The following DLGAP2 variants were observed in gnomAD, a reference collection of about 807,000 sequenced individuals.
DLGAP2 encodes the protein disks large-associated protein 2.
In DLGAP2, 26 loss-of-function variants were observed where a neutral mutation model predicts 100.3. That is an observed-to-expected ratio of 0.26 (90% CI 0.19 to 0.36). DLGAP2 has a LOEUF of 0.36. Ranked by LOEUF, DLGAP2 falls within the 10% of genes least tolerant of loss-of-function variation. The probability of loss-of-function intolerance (pLI) is 1.00; values close to 1 mark genes in which losing one functional copy is unlikely to be tolerated. For missense variants in DLGAP2, 1,858 were observed against 1,453.2 expected, an observed-to-expected ratio of 1.28 and a Z score of -4.53; for synonymous variants, 886 against 630.1, an observed-to-expected ratio of 1.41 and a Z score of -6.08.
chr8:1,213,330 G>C (rs763364460), intron 2 of DLGAP2, among the ~76,000 whole-genome samples: 3 of 152,132 alleles, frequency 2.0e-5, no homozygotes, highest in South Asian at 2.1e-4. Flanking sequence ...TTTTGATCGA[G>C]TTTTGAAATT....
At chr8:1,673,495 A>C (rs1798739417) in intron 10 of DLGAP2, among the ~76,000 whole-genome samples, 1 of 152,216 alleles carries the variant, frequency 6.6e-6, no homozygotes, top group South Asian at 2.1e-4. Flanking sequence ...ACTTCATTTT[A>C]CTTAGAAAGA....
intron 2 of DLGAP2, chr8:1,002,322 G>T (rs909936307): frequency 2.6e-5 from 4 of 152,204 alleles, no homozygotes; most frequent in African/African-American, 9.7e-5. Flanking sequence ...TAAAGGGAAA[G>T]AGATCTTCCT....
chr8:1,424,948 G>A (rs1797198922), intron 3 of DLGAP2, among the ~76,000 whole-genome samples: 1 of 152,180 alleles, frequency 6.6e-6, no homozygotes, highest in Non-Finnish European at 1.5e-5. Context: ...GGAGATATTG[G>A]CAGTGATGGC....
At chr8:1,204,693 G>GA (rs1172544422) in intron 2 of DLGAP2, among the ~76,000 whole-genome samples, 1 of 152,262 alleles carries the variant, frequency 6.6e-6, no homozygotes, top group East Asian at 1.9e-4. Flanking sequence ...TGAGATCCTT[G>GA]ACATCTGCCT....
chr8:1,003,452 T>C (rs1801018921), intron 2 of DLGAP2: 1 of 152,222 alleles, frequency 6.6e-6, no homozygotes, highest in Non-Finnish European at 1.5e-5. Context: ...AATATATCCA[T>C]GGGTGGATGG....
chr8:1,144,938 C>A (rs563118074), intron 2 of DLGAP2, among the ~76,000 whole-genome samples: 1 of 150,666 alleles, frequency 6.6e-6, no homozygotes, highest in African/African-American at 2.4e-5. Flanking sequence ...AAACCGCAGA[C>A]GGCCTGTACC....
chr8:1,331,513 A>G (rs529575244), intron 3 of DLGAP2, among the ~76,000 whole-genome samples: 41 of 152,248 alleles, frequency 2.7e-4, no homozygotes, highest in African/African-American at 7.9e-4. Context: ...TTTTAGGGAC[A>G]CGGATCTGGG....
At position 1,036,223 on chromosome 8, in the gene DLGAP2, G is replaced by A. The variant is rs371989393; in HGVS notation, c.73+128257G>A. Among the ~76,000 whole-genome samples the A allele has an allele frequency of 2.5e-3, 384 of 151,462 alleles. 1 individual carries two copies. Among genetic ancestry groups the A allele is most frequent in the Middle Eastern group, 6.9e-3 (2 of 290 alleles). On this transcript the variant is annotated intron_variant, in intron 2 of 14. Transcript: ENST00000637795. Reference sequence around the variant, plus strand: ...GTTCACAGCCTCATCCCGACCCCGCGTGTCACCGCGAGTGGATTCACACGC... The same window carrying A: ...GTTCACAGCCTCATCCCGACCCCGCATGTCACCGCGAGTGGATTCACACGC...
At chr8:743,051 C>A (rs1308114263) in intron 1 of DLGAP2, among the ~76,000 whole-genome samples, 1 of 152,184 alleles carries the variant, frequency 6.6e-6, no homozygotes. Context: ...TTTGATTTCT[C>A]TCAAAACTGT....
chr8:1,483,612 GAACTGCT>G (rs1799161113), intron 3 of DLGAP2, among the ~76,000 whole-genome samples: 15 of 148,564 alleles, frequency 1.0e-4, no homozygotes, highest in African/African-American at 3.1e-4. Context: ...AGGGAAGGCT[GAACTGCT>G]GTGCAGGAGG....
At chr8:1,245,431 G>A (rs1262390173) in intron 2 of DLGAP2, among the ~76,000 whole-genome samples, 2 of 152,186 alleles carry the variant, frequency 1.3e-5, no homozygotes, top group Non-Finnish European at 2.9e-5. Context: ...ATGGAGCACC[G>A]ATGCATGCTG....
intron 3 of DLGAP2, among the ~76,000 whole-genome samples, chr8:1,390,203 C>A (rs1796318132): frequency 6.6e-6 from 1 of 152,136 alleles, no homozygotes; most frequent in Admixed American, 6.5e-5. Context: ...CTGGAATGAT[C>A]TCTGCCATAG....
chr8:1,464,275 T>G lies in DLGAP2; in HGVS notation c.107-37091T>G, dbSNP rs1798549947. Among the ~76,000 whole-genome samples, 2 of 112,500 alleles carry G rather than the reference T, an allele frequency of 1.8e-5. 1 individual carries two copies. The highest frequency in any genetic ancestry group is 5.1e-4 in the East Asian group (2 of 3,936). The allele number at this position is 112,500 out of a possible 152,430, so 73.8% of individuals were successfully genotyped here. ...ACGGCTCCCTTCCAGGACGGCACCC[T>G]TCCAGGACAACGCCCTTCCAGGATG... On this transcript the variant is annotated intron_variant, in intron 3 of 14. Coordinates refer to ENST00000637795, the MANE Select transcript of DLGAP2 (RefSeq NM_001346810.2).
At chr8:1,007,635 T>C (rs12675374) in intron 2 of DLGAP2, among the ~76,000 whole-genome samples, 9 of 142,482 alleles carry the variant, frequency 6.3e-5, no homozygotes, top group Admixed American at 2.1e-4. Flanking sequence ...TTTTTTTTTT[T>C]GGGGGGGGGA....
At chr8:1,685,354 G>A (rs1348896289) in intron 12 of DLGAP2, among the ~76,000 whole-genome samples, 1 of 152,188 alleles carries the variant, frequency 6.6e-6, no homozygotes, top group African/African-American at 2.4e-5. Flanking sequence ...TACTGATGAC[G>A]TTCTGAGCAC....
rs766268869 is a variant in DLGAP2, at chr8:1,548,822, C to A, written c.369C>A (p.Ser123Arg). Residue 123 changes from serine to arginine, a missense_variant, in exon 5 of 15, where the codon AGC (serine) becomes AGA (arginine). Physicochemically the swap from Ser to Arg is moderately radical, Grantham distance 110 (BLOSUM62 -1). Coordinates refer to ENST00000637795, the MANE Select transcript of DLGAP2 (RefSeq NM_001346810.2). Reference protein sequence around the residue: ...GPDARPPYLLSPADSCPGGRH... With the variant: ...GPDARPPYLLRPADSCPGGRH... ...ACGCGCGGCCGCCCTACCTGCTGAG[C>A]CCCGCCGACAGCTGCCCCGGGGGGC... The A allele has an allele frequency of 1.9e-6, 3 of 1,580,626 alleles. No homozygotes were observed. The highest frequency in any genetic ancestry group is 1.7e-5 in the Admixed American group (1 of 58,142).
rs544315217 is a variant in DLGAP2 at position 1,421,866 on chromosome 8, T to TGAGGCAG, written c.107-79496_107-79490dup. Among the ~76,000 whole-genome samples the TGAGGCAG allele has an allele frequency of 9.5e-4, 144 of 152,156 alleles. 1 individual carries two copies. Among genetic ancestry groups the TGAGGCAG allele is most frequent in the African/African-American group, 3.3e-3 (138 of 41,494 alleles). Reference sequence around the variant, plus strand: ...GTAATCCCAGCTACTCAAGAGGCTCTGAGGCAGGAGAATCACTTGAACCCG... The same window carrying TGAGGCAG: ...GTAATCCCAGCTACTCAAGAGGCTCTGAGGCAGGAGGCAGGAGAATCACTTGAACCCG... On this transcript the variant is annotated intron_variant, in intron 3 of 14. Transcript: ENST00000637795.
At chr8:1,616,561 A>G (rs1310314020) in intron 6 of DLGAP2, among the ~76,000 whole-genome samples, 1 of 152,242 alleles carries the variant, frequency 6.6e-6, no homozygotes, top group Admixed American at 6.5e-5. Context: ...GTCAGAAGCA[A>G]TGGGAGCCAG....
chr8:1,567,210 A>G (rs969736854), intron 6 of DLGAP2, among the ~76,000 whole-genome samples: 2 of 152,216 alleles, frequency 1.3e-5, no homozygotes, highest in Non-Finnish European at 2.9e-5. Context: ...CTCCAGCAGG[A>G]AAGTGAAGGA....
Sources: gnomAD v4.1 joint callset for allele counts (sites outside exome capture counted in the v4.1 genomes callset) on GRCh38, gnomAD v4.1.1 for gene constraint, MANE v1.5 for transcripts, NCBI Gene and HGNC (gene_info 2026-07-23, HGNC 2026-07-21) for gene names.